SSBP2: variants seen among roughly 807,000 people sequenced by gnomAD.
The protein encoded by SSBP2 is single stranded DNA binding protein 2.
SSBP2 carries 17 observed loss-of-function variants against 61.8 expected under a neutral mutation model. The observed-to-expected ratio is 0.28, with a 90% CI of 0.19 to 0.41. The LOEUF (loss-of-function observed/expected upper bound fraction) is 0.41, where lower values mean the gene tolerates loss of function less well. SSBP2 is among the 10% of genes least tolerant of loss of function. The pLI is 1.00. For missense variants in SSBP2, 310 were observed against 458.7 expected (o/e 0.68, Z 2.96); for synonymous variants, 139 against 141.3 (o/e 0.98, Z 0.12).
At chr5:81,737,115 C>T (rs1339297693) in intron 1 of SSBP2, among the ~76,000 whole-genome samples, 1 of 152,114 alleles carries the variant, frequency 6.6e-6, no homozygotes, top group Admixed American at 6.5e-5. Context: ...AAGCTAAAAA[C>T]CACTTTACCT....
At chr5:81,530,961 G>C (rs770717958) in intron 4 of SSBP2, among the ~76,000 whole-genome samples, 9 of 152,100 alleles carry the variant, frequency 5.9e-5, no homozygotes, top group Non-Finnish European at 8.8e-5. Flanking sequence ...GCTCATGCCT[G>C]TAATTTGGCA....
chr5:81,608,720 T>A (rs1745129783), intron 4 of SSBP2, among the ~76,000 whole-genome samples: 2 of 152,174 alleles, frequency 1.3e-5, no homozygotes, highest in African/African-American at 2.4e-5. Flanking sequence ...AAGATTTTTT[T>A]AATGAAAATT....
Position 81,750,675 on chromosome 5 carries a change from C to T in SSBP2, c.62+306G>A, listed in dbSNP as rs1757701689. 7.7e-6 allele frequency: 3 copies of T among 388,928 alleles called. No homozygotes were observed. The South Asian group carries it at 8.9e-5, about 11-fold the overall frequency. 24.1% of individuals were successfully genotyped at this position (388,928 alleles called of 1,614,324 possible). A position where few individuals can be genotyped will look rare whatever the true frequency, so the allele number is the denominator to read the frequency against. On this transcript the variant is annotated intron_variant, in intron 1 of 16. Transcript: ENST00000320672. ...CTCTAAAGTTACTTTGGAAGGTGAA[C>T]CCGCGGGTTATTTCCCTCAATCACC... is the stretch of plus-strand genomic sequence containing the variant.
chr5:81,750,793 G>A, intron 1 of SSBP2, 188 bp downstream of exon 1: 1 of 635,580 alleles, frequency 1.6e-6, no homozygotes, highest in South Asian at 2.0e-5. Flanking sequence ...CGCCCGCCCA[G>A]CGCCCGCACC....
chr5:81,555,815 C>G (rs1179720316), intron 4 of SSBP2, among the ~76,000 whole-genome samples: 1 of 152,054 alleles, frequency 6.6e-6, no homozygotes, highest in African/African-American at 2.4e-5. Context: ...TTAATATCTT[C>G]TAGTTCTCTG....
rs561734346 is a variant in SSBP2, at chr5:81,530,689, T to A, written c.283-16972A>T. On this transcript the variant is annotated intron_variant, in intron 4 of 16. Coordinates refer to ENST00000320672, the MANE Select transcript of SSBP2 (RefSeq NM_012446.5). The stretch of plus-strand genomic sequence containing the variant: ...GAATAGTATAGTGTACATATTATAA[T>A]CTTTTGAGTGTTTTTCTCTCCTTTG... Among the ~76,000 whole-genome samples, 7 of 152,204 alleles carry A rather than the reference T, an allele frequency of 4.6e-5. No homozygotes were observed. The East Asian group carries it at 1.4e-3, about 30-fold the overall frequency.
intron 3 of SSBP2, among the ~76,000 whole-genome samples, chr5:81,626,041 ATC>A (rs1320038237): frequency 6.6e-6 from 1 of 152,222 alleles, no homozygotes; most frequent in Non-Finnish European, 1.5e-5. Context: ...GTTACTGACA[ATC>A]TCTGTTTAAG....
At chr5:81,445,280 G>C (rs1763335810) in intron 12 of SSBP2, among the ~76,000 whole-genome samples, 1 of 149,114 alleles carries the variant, frequency 6.7e-6, no homozygotes, top group South Asian at 2.1e-4. Flanking sequence ...TGCTGGCTGA[G>C]TATTAGAGGA....
intron 1 of SSBP2, among the ~76,000 whole-genome samples, chr5:81,668,292 GTT>G (rs1354039241): frequency 8.2e-6 from 1 of 121,292 alleles, no homozygotes; most frequent in African/African-American, 3.0e-5. Flanking sequence ...AGGAAAAAAA[GTT>G]TTTTCAAATA....
chr5:81,428,116 G>A (rs1762066574), intron 16 of SSBP2, among the ~76,000 whole-genome samples: 2 of 152,108 alleles, frequency 1.3e-5, no homozygotes, highest in South Asian at 4.1e-4. Flanking sequence ...TTGTGTAACA[G>A]TACAATCACA....
chr5:81,452,067 AGAG>A lies in SSBP2; in HGVS notation c.688-3245_688-3243del, dbSNP rs200328750. On this transcript the variant is annotated intron_variant, in intron 10 of 16. Coordinates refer to ENST00000320672, the MANE Select transcript of SSBP2 (RefSeq NM_012446.5). Reference sequence around the variant, plus strand: ...GAGTAGATGCCCATCAGAAAGACAAAGAGAAGAACTGCTATAAAAAACAAAGAA... The same window carrying A: ...GAGTAGATGCCCATCAGAAAGACAAAAAGAACTGCTATAAAAAACAAAGAA... Among the ~76,000 whole-genome samples the A allele has an allele frequency of 6.9e-4, 77 of 111,170 alleles. 3 individuals are homozygous for A. The South Asian group carries it at 7.0e-3, about 10-fold the overall frequency. 72.9% of individuals were successfully genotyped at this position (111,170 alleles called of 152,430 possible). A position where few individuals can be genotyped will look rare whatever the true frequency, so the allele number is the denominator to read the frequency against.
At chr5:81,663,275 T>C (rs968141061) in intron 1 of SSBP2, among the ~76,000 whole-genome samples, 6 of 152,236 alleles carry the variant, frequency 3.9e-5, no homozygotes, top group Admixed American at 1.3e-4. Flanking sequence ...CCTAACTCTC[T>C]TTCTACATAT....
At position 81,581,297 on chromosome 5, in the gene SSBP2, G is replaced by A. The variant is rs74333930; in HGVS notation, c.282+34176C>T. ...AGGACATGAAGAATACTAAAGAGGC[G>A]ACAGGATGGATAGAAGGCTTGAGCG... On this transcript the variant is annotated intron_variant, in intron 4 of 16. Coordinates refer to ENST00000320672, the MANE Select transcript of SSBP2 (RefSeq NM_012446.5). Among the ~76,000 whole-genome samples, 1,178 of 152,278 alleles carry A rather than the reference G, an allele frequency of 7.7e-3. 24 individuals carry two copies. Among genetic ancestry groups the A allele is most frequent in the African/African-American group, 0.027 (1,120 of 41,554 alleles).
intron 1 of SSBP2, among the ~76,000 whole-genome samples, chr5:81,686,552 T>C (rs1349063514): frequency 6.6e-6 from 1 of 151,690 alleles, no homozygotes; most frequent in African/African-American, 2.4e-5. Flanking sequence ...ACAGAACAAG[T>C]CACTAAAAAA....
chr5:81,722,314 A>G (rs1258108211), intron 1 of SSBP2, among the ~76,000 whole-genome samples: 1 of 152,004 alleles, frequency 6.6e-6, no homozygotes, highest in African/African-American at 2.4e-5. Context: ...TCCAAAAGTG[A>G]AATATAACTA....
chr5:81,566,217 T>C (rs886587767), intron 4 of SSBP2, among the ~76,000 whole-genome samples: 1 of 152,202 alleles, frequency 6.6e-6, no homozygotes, highest in Admixed American at 6.5e-5. Context: ...ATAAGGTTAA[T>C]ACAGTATGCA....
intron 4 of SSBP2, among the ~76,000 whole-genome samples, chr5:81,551,393 G>A (rs1049422659): frequency 2.0e-5 from 3 of 152,048 alleles, no homozygotes; most frequent in African/African-American, 7.2e-5. Flanking sequence ...TATTTCAAGT[G>A]AAGCACCTTA....
At chr5:81,707,690 A>G (rs1057347974) in intron 1 of SSBP2, among the ~76,000 whole-genome samples, 2 of 151,304 alleles carry the variant, frequency 1.3e-5, no homozygotes, top group Non-Finnish European at 3.0e-5. Flanking sequence ...TGACTTCAAA[A>G]GTGGCTGTAA....
intron 4 of SSBP2, among the ~76,000 whole-genome samples, chr5:81,606,955 G>C (rs1190603697): frequency 4.6e-5 from 7 of 152,156 alleles, no homozygotes; most frequent in Non-Finnish European, 8.8e-5. Flanking sequence ...AGCCAGCCTT[G>C]TGTATTACAG....
Sources: gnomAD v4.1 joint callset for allele counts (sites outside exome capture counted in the v4.1 genomes callset) on GRCh38, gnomAD v4.1.1 for gene constraint, MANE v1.5 for transcripts, NCBI Gene and HGNC (gene_info 2026-07-23, HGNC 2026-07-21) for gene names.